GALNT1: variants seen among roughly 807,000 people sequenced by gnomAD.
The protein encoded by GALNT1 is GalNAc transferase 1.
A neutral mutation model predicts 65.7 loss-of-function variants in GALNT1; 17 were observed. The observed-to-expected ratio is 0.26, with a 90% CI of 0.18 to 0.39. The LOEUF (loss-of-function observed/expected upper bound fraction) is 0.39, where lower values mean the gene tolerates loss of function less well. Ranked by LOEUF, GALNT1 falls within the 10% of genes least tolerant of loss-of-function variation. The probability of loss-of-function intolerance (pLI) is 1.00; values close to 1 mark genes in which losing one functional copy is unlikely to be tolerated. For missense variants in GALNT1, 460 were observed against 672.8 expected (o/e 0.68, Z 3.50); for synonymous variants, 210 against 219.7 (o/e 0.96, Z 0.39).
At chr18:35,652,487 C>G (rs1175194108) in intron 1 of GALNT1, among the ~76,000 whole-genome samples, 1 of 152,154 alleles carries the variant, frequency 6.6e-6, no homozygotes, top group Non-Finnish European at 1.5e-5. Context: ...CCAGCTGCTG[C>G]TTGTGTATGT....
At chr18:35,677,556 G>T (rs1046839798) in intron 3 of GALNT1, 35 bp from the exon 4 acceptor site, 28 of 1,560,364 alleles carry the variant, frequency 1.8e-5, no homozygotes, top group Non-Finnish European at 2.4e-5. Flanking sequence ...AATCTTAACA[G>T]TCACTTTTTA....
At chr18:35,627,370 AAG>A (rs1337795625) in intron 1 of GALNT1, 1 of 152,202 alleles carries the variant, frequency 6.6e-6, no homozygotes, top group Non-Finnish European at 1.5e-5. Context: ...GTGGCTGACT[AAG>A]GGGGGAGAAT....
chr18:35,643,807 A>G (rs2047196107), intron 1 of GALNT1, among the ~76,000 whole-genome samples: 1 of 151,800 alleles, frequency 6.6e-6, no homozygotes. Flanking sequence ...AAAAAAAAAA[A>G]AGAAAAAAAA....
intron 3 of GALNT1, among the ~76,000 whole-genome samples, chr18:35,673,615 T>A (rs902787662): frequency 2.0e-5 from 3 of 152,198 alleles, no homozygotes; most frequent in Non-Finnish European, 4.4e-5. Flanking sequence ...AGAGTAGGAC[T>A]TTTTTAGAGA....
rs1220123367 is a variant in GALNT1, at chr18:35,687,050, A to T, written c.724A>T (p.Ser242Cys). 9 of 1,613,792 alleles carry T rather than the reference A, an allele frequency of 5.6e-6. No homozygotes were observed. The highest frequency in any genetic ancestry group is 7.6e-6 in the Non-Finnish European group (9 of 1,179,800). ...TVVCPIIDVISDDTFEYMAGS... is the reference protein window; with the variant it reads ...TVVCPIIDVICDDTFEYMAGS... ...GGTGTGTCCCATCATCGATGTGATC[A>T]GTGATGATACTTTTGAGTACATGGC... The change falls in exon 6 of 12, where the codon AGT becomes TGT. Residue 242 changes from serine to cysteine, a missense_variant. Transcript: ENST00000269195.
At chr18:35,695,700 T>C (rs750532504) in intron 9 of GALNT1, among the ~76,000 whole-genome samples, 3 of 152,176 alleles carry the variant, frequency 2.0e-5, no homozygotes, top group Admixed American at 2.0e-4. Flanking sequence ...TTAAGGAATT[T>C]GTTTTCAAAC....
intron 1 of GALNT1, among the ~76,000 whole-genome samples, chr18:35,614,951 TAAG>T (rs1298967532): frequency 1.3e-5 from 2 of 152,092 alleles, no homozygotes; most frequent in Admixed American, 6.6e-5. Flanking sequence ...CGAAGGACAT[TAAG>T]AAGACCTAAA....
chr18:35,644,398 A>C (rs1352149449), intron 1 of GALNT1, among the ~76,000 whole-genome samples: 1 of 152,208 alleles, frequency 6.6e-6, no homozygotes, highest in African/African-American at 2.4e-5. Context: ...TATTGGCCTG[A>C]ACACTTTATA....
At chr18:35,660,391 A>G (rs1463776074) in intron 2 of GALNT1, among the ~76,000 whole-genome samples, 1 of 152,150 alleles carries the variant, frequency 6.6e-6, no homozygotes, top group East Asian at 1.9e-4. Flanking sequence ...CTAAAACATG[A>G]TACTTATCTA....
intron 1 of GALNT1, chr18:35,596,188 A>C (rs2046502668): frequency 6.6e-6 from 1 of 152,144 alleles, no homozygotes; most frequent in Admixed American, 6.5e-5. Flanking sequence ...GAACTAGAAA[A>C]ACTCTTTTCC....
At chr18:35,593,394 T>C (rs1190421719) in intron 1 of GALNT1, among the ~76,000 whole-genome samples, 1 of 152,142 alleles carries the variant, frequency 6.6e-6, no homozygotes, top group Admixed American at 6.5e-5. Flanking sequence ...GACCATTCCC[T>C]GAGGAAGTAT....
intron 1 of GALNT1, among the ~76,000 whole-genome samples, chr18:35,648,326 C>T (rs988072940): frequency 3.9e-5 from 6 of 152,214 alleles, no homozygotes; most frequent in African/African-American, 7.2e-5. Context: ...GATGATTTTG[C>T]ACAACTATAT....
At chr18:35,600,059 T>C (rs1387999065) in intron 1 of GALNT1, among the ~76,000 whole-genome samples, 1 of 152,182 alleles carries the variant, frequency 6.6e-6, no homozygotes, top group Non-Finnish European at 1.5e-5. Flanking sequence ...CTGTGAAGAA[T>C]GTCCTTGGTA....
rs1021758312 is a variant in GALNT1, at chr18:35,709,825, T to G, written c.*55T>G. ...AAGGATTGACTGGGCTACCTCAGCA[T>G]ACATTTCTGCCACATTCTTAAGTAG... On this transcript the variant is annotated 3_prime_UTR_variant, in exon 12 of 12. Coordinates refer to ENST00000269195, the MANE Select transcript of GALNT1 (RefSeq NM_020474.4). 1.2e-5 allele frequency: 19 copies of G among 1,594,982 alleles called. No individual in the cohort carries two copies. The highest frequency in any genetic ancestry group is 1.5e-5 in the Non-Finnish European group (17 of 1,167,290).
chr18:35,666,729 T>C (rs891222812), intron 3 of GALNT1, among the ~76,000 whole-genome samples: 3 of 152,222 alleles, frequency 2.0e-5, no homozygotes, highest in African/African-American at 7.2e-5. Flanking sequence ...AGTGTTGAAA[T>C]GGTGTGATAC....
At chr18:35,594,421 T>C (rs964941332) in intron 1 of GALNT1, among the ~76,000 whole-genome samples, 1 of 151,570 alleles carries the variant, frequency 6.6e-6, no homozygotes, top group African/African-American at 2.4e-5. Flanking sequence ...CAAGGGAAGG[T>C]AGAGGGTGAG....
chr18:35,605,512 A>G (rs1415727252), intron 1 of GALNT1, among the ~76,000 whole-genome samples: 1 of 151,510 alleles, frequency 6.6e-6, no homozygotes, highest in Non-Finnish European at 1.5e-5. Context: ...AAAGAAAAAG[A>G]AAAATTTTTT....
At chr18:35,614,163 A>G (rs1453914303) in intron 1 of GALNT1, among the ~76,000 whole-genome samples, 1 of 152,234 alleles carries the variant, frequency 6.6e-6, no homozygotes, top group Non-Finnish European at 1.5e-5. Context: ...ATATGTTTAG[A>G]GAGTATAAAA....
intron 1 of GALNT1, among the ~76,000 whole-genome samples, chr18:35,604,231 G>A (rs1234312151): frequency 2.0e-5 from 3 of 152,096 alleles, no homozygotes; most frequent in Non-Finnish European, 4.4e-5. Flanking sequence ...CATTCATGTT[G>A]TTGCAAAGGA....
Sources: allele counts gnomAD v4.1 joint callset (sites outside exome capture counted in the v4.1 genomes callset), GRCh38; gene constraint gnomAD v4.1.1; transcripts MANE v1.5; gene names NCBI Gene and HGNC (gene_info 2026-07-23, HGNC 2026-07-21).